Variants in SLC3A1 observed in about 807,000 individuals in gnomAD.
SLC3A1 encodes solute carrier family 3 member 1.
In SLC3A1, 78 loss-of-function variants were observed where a neutral mutation model predicts 60.3. The ratio of observed to expected loss-of-function variants is 1.29; its 90% CI spans 1.08 to 1.56. The LOEUF (loss-of-function observed/expected upper bound fraction) is 1.56, where lower values mean the gene tolerates loss of function less well. Among genes scored for constraint, SLC3A1 ranks in the 40% most tolerant of loss-of-function variants. SLC3A1 has a pLI of 0.00. For synonymous variants in SLC3A1, 392 were observed against 307.9 expected (o/e 1.27, Z -2.86); for missense variants, 1,172 against 858.9 (o/e 1.36, Z -4.56).
At chr2:44,281,621 G>A in intron 3 of SLC3A1, 80 bp downstream of exon 3, 2 of 1,358,574 alleles carry the variant, frequency 1.5e-6, no homozygotes, top group Admixed American at 1.7e-5. Flanking sequence ...AAACCCTTTT[G>A]AGGGAAAAAT....
rs121912694 is a variant in SLC3A1 at position 44,280,827 on chromosome 2, G to T, written c.542G>T (p.Arg181Leu). The change falls in exon 2 of 10, where the codon CGG becomes CTG. Residue 181 changes from arginine to leucine, a missense_variant. By Grantham distance (102) the Arg-to-Leu change is moderately radical (BLOSUM62 -2). Coordinates refer to ENST00000260649, the MANE Select transcript of SLC3A1 (RefSeq NM_000341.4). ...KDFRYGVEDF[R>L]EVDPIFGTME... ...TTCAGATATGGTGTTGAAGATTTCC[G>T]GGAAGTTGATCCCATTTTTGGAACG... 12 of 1,613,870 alleles carry T rather than the reference G, an allele frequency of 7.4e-6. No homozygotes were observed. Among genetic ancestry groups the T allele is most frequent in the Non-Finnish European group, 1.0e-5 (12 of 1,179,870 alleles).
At chr2:44,313,733 A>G in intron 8 of SLC3A1, 102 bp from the exon 9 acceptor site, 1 of 994,264 alleles carries the variant, frequency 1.0e-6, no homozygotes, top group South Asian at 1.3e-5. Flanking sequence ...AACACTAGCT[A>G]AGAACTATGG....
At chr2:44,319,659 G>A (rs1448383518) in intron 9 of SLC3A1, 1 of 152,696 alleles carries the variant, frequency 6.5e-6, no homozygotes, top group Non-Finnish European at 1.5e-5. Context: ...TTTCACCTTA[G>A]GCAGCTTTTT....
In SLC3A1 at chr2:44,312,700, G is replaced by A; in HGVS notation, c.1447G>A (p.Glu483Lys). The change falls in exon 8 of 10, where the codon GAA becomes AAA. Residue 483 changes from glutamate to lysine, a missense_variant. Coordinates refer to ENST00000260649, the MANE Select transcript of SLC3A1 (RefSeq NM_000341.4). ...PGTPITYYGE[E>K]IGMGNIVAAN... ...AACTCCTATAACTTACTATGGAGAA[G>A]AAATTGGAATGGGAAATATTGTAGC... 1 of 1,613,630 alleles carries A rather than the reference G, an allele frequency of 6.2e-7. No individual in the cohort carries two copies. The highest frequency in any genetic ancestry group is 8.5e-7 in the Non-Finnish European group (1 of 1,179,594).
intron 4 of SLC3A1, among the ~76,000 whole-genome samples, chr2:44,293,672 A>G (rs1307413920): frequency 2.0e-5 from 3 of 152,200 alleles, no homozygotes; most frequent in Non-Finnish European, 2.9e-5. Context: ...AAGAGGGCCA[A>G]CTGCAACGTA....
intron 6 of SLC3A1, 191 bp from the exon 7 acceptor site, chr2:44,303,952 T>C: frequency 3.0e-6 from 2 of 666,018 alleles, no homozygotes; most frequent in Non-Finnish European, 5.5e-6. Context: ...GGTGTGTATG[T>C]GCCACATTTT....
intron 4 of SLC3A1, among the ~76,000 whole-genome samples, chr2:44,286,803 G>T (rs1474814666): frequency 6.6e-6 from 1 of 150,524 alleles, no homozygotes; most frequent in Admixed American, 6.6e-5. Context: ...TGAGCTGTGC[G>T]GTGCCTGTGA....
At chr2:44,312,063 T>A (rs1242388724) in intron 7 of SLC3A1, among the ~76,000 whole-genome samples, 1 of 152,222 alleles carries the variant, frequency 6.6e-6, no homozygotes, top group East Asian at 1.9e-4. Flanking sequence ...AGAATATACC[T>A]AGAACGTTTA....
At chr2:44,277,266 CCTGG>C (rs1558451408) in intron 1 of SLC3A1, among the ~76,000 whole-genome samples, 6 of 151,862 alleles carry the variant, frequency 4.0e-5, no homozygotes, top group Admixed American at 6.6e-5. Context: ...CACCATCATG[CCTGG>C]CTAATTTTGT....
At chr2:44,301,268 A>G in intron 6 of SLC3A1, 141 bp downstream of exon 6, 2 of 1,089,910 alleles carry the variant, frequency 1.8e-6, no homozygotes, top group South Asian at 1.3e-5. Flanking sequence ...GTTTGGTTGT[A>G]CCAGGGCCTG....
intron 4 of SLC3A1, among the ~76,000 whole-genome samples, chr2:44,294,893 GT>G (rs1671815378): frequency 2.0e-5 from 3 of 152,022 alleles, no homozygotes; most frequent in Non-Finnish European, 2.9e-5. Flanking sequence ...GATGTCTTCT[GT>G]TTGTTTTTTT....
At chr2:44,317,907 A>G (rs1009002738) in intron 9 of SLC3A1, 7 of 237,826 alleles carry the variant, frequency 2.9e-5, no homozygotes, top group East Asian at 1.5e-4. Context: ...AAAAACAGAC[A>G]TAAGAAACAC....
intron 4 of SLC3A1, among the ~76,000 whole-genome samples, chr2:44,292,780 G>T (rs900237542): frequency 7.2e-5 from 11 of 152,170 alleles, no homozygotes; most frequent in African/African-American, 2.4e-5. Context: ...TATAGAGCAG[G>T]GAGTGACCCG....
At position 44,320,403 on chromosome 2, in the gene SLC3A1, CATA is replaced by C. The variant is rs1672827519; in HGVS notation, c.1826_1828del (p.Asn609del). 1.2e-6 allele frequency: 2 copies of C among 1,613,992 alleles called. No individual in the cohort carries two copies. Among genetic ancestry groups the C allele is most frequent in the East Asian group, 2.2e-5 (1 of 44,884 alleles). On this transcript the variant is annotated inframe_deletion, in exon 10 of 10. Coordinates refer to ENST00000260649, the MANE Select transcript of SLC3A1 (RefSeq NM_000341.4). ...TGGAGAATCAACACTGTTAAATCTA[CATA>C]ATATGATTTCGGGCCTTCCCGCTAA...
In SLC3A1 at chr2:44,281,537, A is replaced by C; in HGVS notation, c.761A>C (p.Asn254Thr). The change falls in exon 3 of 10, where the codon AAC becomes ACC. Residue 254 changes from asparagine (N) to threonine (T), a missense_variant. Physicochemically the swap from Asn to Thr is moderately conservative, Grantham distance 65. Coordinates refer to ENST00000260649, the MANE Select transcript of SLC3A1 (RefSeq NM_000341.4). ...AATGGCAAAACCATTCCACCCAACA[A>C]CTGGGTAAGTATCAACCTGTCTGAC... The part of the protein sequence containing the change: ...HENGKTIPPN[N>T]WLSVYGNSSW... The C allele has an allele frequency of 2.1e-5, 34 of 1,613,888 alleles. No homozygotes were observed. The highest frequency in any genetic ancestry group is 2.9e-5 in the Non-Finnish European group (34 of 1,179,768).
intron 6 of SLC3A1, among the ~76,000 whole-genome samples, chr2:44,302,605 A>G (rs1025523675): frequency 1.3e-5 from 2 of 152,234 alleles, no homozygotes; most frequent in African/African-American, 4.8e-5. Context: ...TGCCTCAAAT[A>G]GCTAAAGCCA....
chr2:44,312,772 GACTATTCATC>G lies in SLC3A1; in HGVS notation c.1500+22_1500+31del, dbSNP rs138712149. The G allele has an allele frequency of 1.9e-5, 30 of 1,588,750 alleles. No individual in the cohort carries two copies. The African/African-American group carries it at 3.7e-4, about 20-fold the overall frequency. ...TGATATTGTAAGTTGAATACAACTT[GACTATTCATC>G]ACAGCTATAAAACCAAGTATTCATT... On this transcript the variant is annotated intron_variant, in intron 8 of 9. Transcript: ENST00000260649.
At chr2:44,292,574 C>T (rs60804411) in intron 4 of SLC3A1, among the ~76,000 whole-genome samples, 1,964 of 152,050 alleles carry the variant, frequency 0.013, 18 homozygotes, top group Middle Eastern at 0.034. Context: ...ATGTGCCAAG[C>T]GGTCATGACA....
In SLC3A1 at chr2:44,320,538, A is replaced by G. The variant is rs1374299303; in HGVS notation, c.1957A>G (p.Lys653Glu). 2.5e-6 allele frequency: 4 copies of G among 1,614,132 alleles called. No homozygotes were observed. Among genetic ancestry groups the G allele is most frequent in the Non-Finnish European group, 3.4e-6 (4 of 1,179,968 alleles). ...GGGACTCATCTTTGAACACAACACG[A>G]AGAATCTCCTTCATCGCCAAACAGC... ...GEGLIFEHNT[K>E]NLLHRQTAFR... is the part of the protein sequence containing the mutation. Residue 653 changes from lysine (K) to glutamate (E), a missense_variant, in exon 10 of 10, where the codon AAG becomes GAG. By Grantham distance (56) the Lys-to-Glu change is moderately conservative. Coordinates refer to ENST00000260649, the MANE Select transcript of SLC3A1 (RefSeq NM_000341.4).
Sources: allele counts gnomAD v4.1 joint callset (sites outside exome capture counted in the v4.1 genomes callset), GRCh38; gene constraint gnomAD v4.1.1; transcripts MANE v1.5; gene names NCBI Gene and HGNC (gene_info 2026-07-23, HGNC 2026-07-21).